Variants in MAPRE2 observed in about 807,000 individuals in gnomAD.
The protein encoded by MAPRE2 is microtubule associated protein RP/EB family member 2.
A neutral mutation model predicts 43.2 loss-of-function variants in MAPRE2; 13 were observed. That is an observed-to-expected ratio of 0.30 (90% confidence interval 0.20 to 0.48). MAPRE2 has a LOEUF of 0.48. Among genes scored for constraint, MAPRE2 ranks in the 20% least tolerant of loss-of-function variants. The probability of loss-of-function intolerance (pLI) is 0.99; values close to 1 mark genes in which losing one functional copy is unlikely to be tolerated. For synonymous variants in MAPRE2, 135 were observed against 148.8 expected (o/e 0.91, Z 0.68); for missense variants, 161 against 400.2 (o/e 0.40, Z 5.10).
At chr18:35,039,150 T>G (rs551557967), upstream of MAPRE2, among the ~76,000 whole-genome samples, 1 of 152,376 alleles carries the variant, frequency 6.6e-6, no homozygotes, top group South Asian at 2.1e-4. Flanking sequence ...AAGTGATCTG[T>G]ACTAAAGAAC....
intron 4 of MAPRE2, among the ~76,000 whole-genome samples, chr18:35,118,392 A>G (rs1909507209): frequency 6.6e-6 from 1 of 152,196 alleles, no homozygotes; most frequent in Non-Finnish European, 1.5e-5. Flanking sequence ...AGCACATGCC[A>G]TTGATCACAG....
chr18:35,140,342 G>T lies in MAPRE2; in HGVS notation c.957G>T (p.Gln319His), dbSNP rs757060130. The change falls in exon 7 of 7, where the codon CAG becomes CAT. Residue 319 changes from glutamine (Q) to histidine (H), a missense_variant. Physicochemically the swap from Gln to His is conservative, Grantham distance 24. Coordinates refer to ENST00000300249, the MANE Select transcript of MAPRE2 (RefSeq NM_014268.4). Reference sequence around the variant, plus strand: ...AAGCAGAGGAGCAAGCCCACGAACAGCAGCCCCCGCAGCAGGAAGAGTACT... The same window carrying T: ...AAGCAGAGGAGCAAGCCCACGAACATCAGCCCCCGCAGCAGGAAGAGTACT... The part of the protein sequence containing the change: ...EPEAEEQAHE[Q>H]QPPQQEEY 1.2e-6 allele frequency: 2 copies of T among 1,613,608 alleles called. No individual in the cohort carries two copies. The highest frequency in any genetic ancestry group is 1.7e-6 in the Non-Finnish European group (2 of 1,179,814).
chr18:35,022,200 A>G (rs1053478479), intron 2 of MAPRE2, among the ~76,000 whole-genome samples: 3 of 152,196 alleles, frequency 2.0e-5, no homozygotes, highest in African/African-American at 7.2e-5. Flanking sequence ...AAGAGAAAAA[A>G]TAAAGAATAA....
chr18:35,010,623 G>A (rs2097034095), intron 2 of MAPRE2, among the ~76,000 whole-genome samples: 1 of 152,166 alleles, frequency 6.6e-6, no homozygotes, highest in South Asian at 2.1e-4. Context: ...AGAATTAAAT[G>A]ATGGAATAAG....
At chr18:34,999,910 G>A (rs954968125) in intron 1 of MAPRE2, among the ~76,000 whole-genome samples, 1 of 152,036 alleles carries the variant, frequency 6.6e-6, no homozygotes, top group Non-Finnish European at 1.5e-5. Flanking sequence ...TGCCCCTAGA[G>A]AAGGCCCTGA....
chr18:35,124,338 C>T (rs1909816386), intron 4 of MAPRE2, among the ~76,000 whole-genome samples: 1 of 152,138 alleles, frequency 6.6e-6, no homozygotes, highest in Non-Finnish European at 1.5e-5. Context: ...GAGGTAACCG[C>T]CCCCCATGCT....
chr18:35,101,710 G>A (rs533896028), intron 3 of MAPRE2, among the ~76,000 whole-genome samples: 1 of 152,232 alleles, frequency 6.6e-6, no homozygotes, highest in South Asian at 2.1e-4. Flanking sequence ...TGTTGCAAAT[G>A]ACTGCGACTC....
intron 1 of MAPRE2, among the ~76,000 whole-genome samples, chr18:35,058,009 T>A (rs1364997209): frequency 6.6e-6 from 1 of 152,220 alleles, no homozygotes; most frequent in Non-Finnish European, 1.5e-5. Context: ...TTGCAGTTTC[T>A]TCTTTGGGGC....
intron 1 of MAPRE2, among the ~76,000 whole-genome samples, chr18:35,064,573 A>G (rs765673744): frequency 2.5e-4 from 38 of 152,168 alleles, no homozygotes; most frequent in Non-Finnish European, 3.4e-4. Context: ...TAATTCACAA[A>G]CCTTGCCAAA....
chr18:34,983,363 T>G (rs2097017379), intron 1 of MAPRE2, among the ~76,000 whole-genome samples: 1 of 152,234 alleles, frequency 6.6e-6, no homozygotes, highest in South Asian at 2.1e-4. Context: ...AGTGCAATAC[T>G]AACTAGTAAC....
intron 2 of MAPRE2, among the ~76,000 whole-genome samples, chr18:35,024,616 C>CA (rs1334991283): frequency 6.6e-6 from 1 of 152,190 alleles, no homozygotes; most frequent in African/African-American, 2.4e-5. Flanking sequence ...ATTTAACCTT[C>CA]ATTTCCCATT....
At chr18:34,985,059 A>T (rs1400939629) in intron 1 of MAPRE2, among the ~76,000 whole-genome samples, 5 of 87,926 alleles carry the variant, frequency 5.7e-5, no homozygotes, top group African/African-American at 2.4e-4. Flanking sequence ...ATATTATATA[A>T]TATATAAAAT....
intron 2 of MAPRE2, among the ~76,000 whole-genome samples, chr18:35,077,056 TG>T: frequency 6.6e-6 from 1 of 152,204 alleles, no homozygotes. Flanking sequence ...GGAATGCCAT[TG>T]TTTTATTGAA....
At chr18:35,037,662 A>T (rs982932157), upstream of MAPRE2, among the ~76,000 whole-genome samples, 1 of 150,518 alleles carries the variant, frequency 6.6e-6, no homozygotes, top group Non-Finnish European at 1.5e-5. Flanking sequence ...ATTTTAGCTT[A>T]TTTTTTTTTT....
At chr18:35,120,066 AGCAAGGTG>A (rs1368328194) in intron 4 of MAPRE2, among the ~76,000 whole-genome samples, 1 of 152,176 alleles carries the variant, frequency 6.6e-6, no homozygotes, top group Non-Finnish European at 1.5e-5. Context: ...TTAAATGTAA[AGCAAGGTG>A]GCCACAAAGC....
At chr18:35,032,013 C>T (rs1019389419) in intron 2 of MAPRE2, among the ~76,000 whole-genome samples, 1 of 152,194 alleles carries the variant, frequency 6.6e-6, no homozygotes, top group African/African-American at 2.4e-5. Flanking sequence ...ATCTCAAATA[C>T]ATTTCTGTGC....
At chr18:35,133,638 ATCT>A (rs777707295) in intron 6 of MAPRE2, among the ~76,000 whole-genome samples, 1 of 152,358 alleles carries the variant, frequency 6.6e-6, no homozygotes, top group Non-Finnish European at 1.5e-5. Flanking sequence ...GCAGGATCAA[ATCT>A]TCTTCCCAGC....
chr18:35,085,980 A>G (rs893579658), intron 2 of MAPRE2, among the ~76,000 whole-genome samples: 6 of 152,212 alleles, frequency 3.9e-5, no homozygotes, highest in African/African-American at 1.4e-4. Context: ...CATCATGAAG[A>G]GTATGATCAC....
At chr18:35,030,826 C>T (rs867794069) in intron 2 of MAPRE2, among the ~76,000 whole-genome samples, 4 of 152,194 alleles carry the variant, frequency 2.6e-5, no homozygotes, top group South Asian at 2.1e-4. Flanking sequence ...CCCCACAATA[C>T]GCACACATTC....
Sources: allele counts gnomAD v4.1 joint callset (sites outside exome capture counted in the v4.1 genomes callset), GRCh38; gene constraint gnomAD v4.1.1; transcripts MANE v1.5; gene names NCBI Gene and HGNC (gene_info 2026-07-23, HGNC 2026-07-21).